PDE12: variants seen among roughly 807,000 people sequenced by gnomAD.
The protein encoded by PDE12 is phosphodiesterase 12, also known as 2',5'-phosphodiesterase 12.
A neutral mutation model predicts 45.4 loss-of-function variants in PDE12; 26 were observed. The ratio of observed to expected loss-of-function variants is 0.57; its 90% confidence interval spans 0.42 to 0.79. The LOEUF is 0.79. PDE12 is among the 30% of genes least tolerant of loss of function. The pLI is 0.00. For missense variants in PDE12, 668 were observed against 790.0 expected (o/e 0.85, Z 1.85); for synonymous variants, 283 against 323.9 (o/e 0.87, Z 1.36).
chr3:57,648,401 A>G, the PDE12 span, among the ~76,000 whole-genome samples: 2 of 152,216 alleles, frequency 1.3e-5, no homozygotes, highest in Admixed American at 6.5e-5. Flanking sequence ...GGTAGAGTCA[A>G]TATTGTAAAA....
the PDE12 span, among the ~76,000 whole-genome samples, chr3:57,601,398 C>T: frequency 5.9e-5 from 9 of 152,072 alleles, no homozygotes; most frequent in Admixed American, 3.3e-4. Flanking sequence ...TGTGAGCCAC[C>T]GCGCCCAGCC....
Position 57,557,069 on chromosome 3 carries a change from G to A in PDE12, c.690G>A (p.Val230=). 1 of 1,614,078 alleles carries A rather than the reference G, an allele frequency of 6.2e-7. No homozygotes were observed. The stretch of plus-strand genomic sequence containing the variant: ...CTTCTTCTTGGACTGAGACTGATGT[G>A]GAGGAGCGTGTCTACACCCCGTCCA... ...SPSSSWTETD[V]EERVYTPSNA... is the part of the protein sequence containing the mutation. The change falls in exon 1 of 3, where the codon GTG becomes GTA. Residue 230 remains valine (V), a synonymous_variant. Transcript: ENST00000311180.
chr3:57,653,914 T>A, the PDE12 span, among the ~76,000 whole-genome samples: 3 of 148,790 alleles, frequency 2.0e-5, no homozygotes, highest in Non-Finnish European at 4.4e-5. Flanking sequence ...AAAACAGCCA[T>A]GCCTTGGGAA....
chr3:57,559,207 T>C, intron 1 of PDE12, 103 bp from the exon 2 acceptor site: 4 of 920,028 alleles, frequency 4.3e-6, no homozygotes, highest in Non-Finnish European at 6.9e-6. Context: ...GTTGACAGAG[T>C]GAGACTGTCT....
the PDE12 span, chr3:57,628,011 G>C: frequency 1.5e-5 from 9 of 603,206 alleles, no homozygotes; most frequent in African/African-American, 1.1e-4. Flanking sequence ...CAGTATTAAA[G>C]TGGAACCACC....
the PDE12 span, among the ~76,000 whole-genome samples, chr3:57,613,280 TAAA>T: frequency 9.1e-6 from 1 of 109,342 alleles, no homozygotes; most frequent in Non-Finnish European, 1.9e-5. Context: ...TGCCTGGCCA[TAAA>T]AAAAAAAAAA....
In PDE12 at chr3:57,561,854, T is replaced by C; in HGVS notation, c.*1850T>C. ...GAAGGGGTTTTATCTGCATTTGACATTGAACCTTGAAGTACTTTAAGTACT... is the reference window on the plus strand; with the variant it reads ...GAAGGGGTTTTATCTGCATTTGACACTGAACCTTGAAGTACTTTAAGTACT... On this transcript the variant is annotated 3_prime_UTR_variant, in exon 3 of 3. Transcript: ENST00000311180. The C allele has an allele frequency of 4.1e-6, 4 of 985,346 alleles. No homozygotes were observed. The highest frequency in any genetic ancestry group is 3.6e-6 in the Non-Finnish European group (3 of 829,848). 61.0% of individuals were successfully genotyped at this position (985,346 alleles called of 1,614,324 possible).
chr3:57,565,324 C>T lies in PDE12; in HGVS notation c.*5320C>T, dbSNP rs1442352480. ...AAAAATTAAAAACAAATTTTTTCTC[C>T]AGAAAAAAACATATTTATCAACTTT... On this transcript the variant is annotated 3_prime_UTR_variant, in exon 3 of 3. Transcript: ENST00000311180. 1 of 151,876 alleles carries T rather than the reference C, an allele frequency of 6.6e-6. No individual in the cohort carries two copies. The highest frequency in any genetic ancestry group is 1.5e-5 in the Non-Finnish European group (1 of 67,992). The allele number at this position is 151,876 out of a possible 1,614,324, so 9.4% of individuals were successfully genotyped here.
At chr3:57,604,282 G>A in the PDE12 span, among the ~76,000 whole-genome samples, 3 of 151,968 alleles carry the variant, frequency 2.0e-5, no homozygotes, top group Non-Finnish European at 4.4e-5. Flanking sequence ...ACATAGAAAC[G>A]AGAGAATTAA....
chr3:57,576,282 CTG>C, the PDE12 span, among the ~76,000 whole-genome samples: 2 of 152,038 alleles, frequency 1.3e-5, no homozygotes, highest in African/African-American at 4.8e-5. Flanking sequence ...GAATAGGTGA[CTG>C]TATAAAGACA....
chr3:57,586,513 T>A, the PDE12 span, among the ~76,000 whole-genome samples: 3 of 152,212 alleles, frequency 2.0e-5, no homozygotes, highest in Non-Finnish European at 4.4e-5. Flanking sequence ...CTTTAAGTTC[T>A]TTTTGGAGAC....
At chr3:57,632,330 C>CTTTT in the PDE12 span, among the ~76,000 whole-genome samples, 1 of 146,498 alleles carries the variant, frequency 6.8e-6, no homozygotes, top group Non-Finnish European at 1.5e-5. Context: ...AGTCCATGCT[C>CTTTT]TTTTTTTTTT....
chr3:57,587,425 G>A, the PDE12 span, among the ~76,000 whole-genome samples: 1 of 149,420 alleles, frequency 6.7e-6, no homozygotes. Context: ...TTATACAAAA[G>A]CATGTAGGTA....
chr3:57,654,083 G>T, the PDE12 span, among the ~76,000 whole-genome samples: 1 of 150,400 alleles, frequency 6.6e-6, no homozygotes, highest in Non-Finnish European at 1.5e-5. Context: ...AAGTAGCTGG[G>T]ACCACAGGTG....
chr3:57,608,531 G>A, the PDE12 span, among the ~76,000 whole-genome samples: 3 of 151,750 alleles, frequency 2.0e-5, no homozygotes, highest in Non-Finnish European at 2.9e-5. Flanking sequence ...CAAAATAAAG[G>A]CATGGAGGAA....
chr3:57,560,189 T>C lies in PDE12; in HGVS notation c.*185T>C, dbSNP rs2069712458. The C allele has an allele frequency of 7.7e-7, 1 of 1,306,242 alleles. No individual in the cohort carries two copies. 80.9% of individuals were successfully genotyped at this position (1,306,242 alleles called of 1,614,324 possible). On this transcript the variant is annotated 3_prime_UTR_variant, in exon 3 of 3. Coordinates refer to ENST00000311180, the MANE Select transcript of PDE12 (RefSeq NM_177966.7). ...TTGCATCATACATCTTCTCTTTCCT[T>C]GTTTTCCTCTACAATTGGAGGAGAA...
At chr3:57,578,094 GC>G in the PDE12 span, among the ~76,000 whole-genome samples, 2 of 151,970 alleles carry the variant, frequency 1.3e-5, no homozygotes, top group African/African-American at 4.8e-5. Flanking sequence ...AACTGAATTA[GC>G]TTACTGACTC....
At chr3:57,596,905 T>C in the PDE12 span, 1 of 646,660 alleles carries the variant, frequency 1.5e-6, no homozygotes, top group Non-Finnish European at 2.6e-6. Flanking sequence ...GCGGGGGGGA[T>C]CGCTCACCCT....
chr3:57,608,244 A>G, the PDE12 span, among the ~76,000 whole-genome samples: 5 of 152,200 alleles, frequency 3.3e-5, no homozygotes. Context: ...GAAGCACTAA[A>G]CATGGAAAGG....
Sources: allele counts gnomAD v4.1 joint callset (sites outside exome capture counted in the v4.1 genomes callset), GRCh38; gene constraint gnomAD v4.1.1; transcripts MANE v1.5; gene names NCBI Gene and HGNC (gene_info 2026-07-23, HGNC 2026-07-21).